TEDC1: variants seen among roughly 807,000 people sequenced by gnomAD.
TEDC1 encodes tubulin epsilon and delta complex protein 1.
In TEDC1, 54 loss-of-function variants were observed where a neutral mutation model predicts 59.9. The ratio of observed to expected loss-of-function variants is 0.90; its 90% CI spans 0.72 to 1.13. TEDC1 has a LOEUF of 1.13. Ranked by LOEUF, TEDC1 falls within the 50% of genes most tolerant of loss-of-function variation. The probability of loss-of-function intolerance (pLI) is 0.00; values close to 1 mark genes in which losing one functional copy is unlikely to be tolerated. For synonymous variants in TEDC1, 353 were observed against 298.1 expected (o/e 1.18, Z -1.90); for missense variants, 734 against 683.4 (o/e 1.07, Z -0.83).
At chr14:105,497,498 G>A in intron 7 of TEDC1, 55 bp downstream of exon 7, 3 of 1,523,744 alleles carry the variant, frequency 2.0e-6, no homozygotes, top group Non-Finnish European at 2.6e-6. Context: ...CAGCCCCCAG[G>A]TGGGGCATTC....
intron 5 of TEDC1, 23 bp downstream of exon 5, chr14:105,493,956 G>A (rs201083148): frequency 3.5e-4 from 311 of 899,488 alleles, no homozygotes; most frequent in African/African-American, 3.3e-3. Context: ...AAGCTGCTGC[G>A]GGGGGGTGGG....
At position 105,492,314 on chromosome 14, in the gene TEDC1, G is replaced by A. The variant is rs781900892; in HGVS notation, c.429+5G>A. 18 of 1,601,216 alleles carry A rather than the reference G, an allele frequency of 1.1e-5. No individual in the cohort carries two copies. The East Asian group carries it at 1.3e-4, about 12-fold the overall frequency. ...GACGAGATGACTGTGTGCCAGGTGC[G>A]TGTGGGTGAGGGTGAGCTGAGCCAG... On this transcript the variant is annotated splice_donor_5th_base_variant and intron_variant, in intron 3 of 8. Transcript: ENST00000392523.
In TEDC1 at chr14:105,492,690, C is replaced by T. The variant is rs1404622182; in HGVS notation, c.541C>T (p.Gln181Ter). Residue 181 changes from glutamine (Q) to a stop codon, truncating the protein, a stop_gained, in exon 4 of 9, where the codon CAG (glutamine) becomes TAG (stop). Transcript: ENST00000392523. LOFTEE classifies it high-confidence loss of function. ...GGGAAAGCTGCGGTTCCGGTGGCGC[C>T]AGCTGGTGTCCAGTCAGCAGGAGCA... ...LMGKLRFRWR[Q>*]LVSSQQEQCA... 2 of 1,544,516 alleles carry T rather than the reference C, an allele frequency of 1.3e-6. No homozygotes were observed. The highest frequency in any genetic ancestry group is 2.0e-5 in the Admixed American group (1 of 50,988).
chr14:105,498,958 C>T lies in TEDC1; in HGVS notation c.*12C>T, dbSNP rs782384645. The T allele has an allele frequency of 7.4e-5, 117 of 1,587,506 alleles. No homozygotes were observed. Among genetic ancestry groups the T allele is most frequent in the Middle Eastern group, 2.0e-4 (1 of 5,024 alleles). On this transcript the variant is annotated 3_prime_UTR_variant, in exon 9 of 9. Coordinates refer to ENST00000392523, the MANE Select transcript of TEDC1 (RefSeq NM_001367178.1). ...CACCTGGACGCTGAGGGCCTGTCGACGGGCCCTCGTGTGGGAAGCCTGCCC... is the reference window on the plus strand; with the variant it reads ...CACCTGGACGCTGAGGGCCTGTCGATGGGCCCTCGTGTGGGAAGCCTGCCC...
At chr14:105,490,551 G>C (rs1555439016), upstream of TEDC1, 1 of 152,194 alleles carries the variant, frequency 6.6e-6, no homozygotes, top group African/African-American at 2.4e-5. Flanking sequence ...CCATGCGCCG[G>C]CTTCCTCCGG....
intron 4 of TEDC1, 58 bp downstream of exon 4, chr14:105,492,792 C>T (rs2084246907): frequency 2.6e-6 from 4 of 1,514,722 alleles, no homozygotes; most frequent in Non-Finnish European, 3.5e-6. Context: ...AGGCCGCCAG[C>T]TGCCAGTCCC....
Position 105,498,969 on chromosome 14 carries a change from G to T in TEDC1, c.*23G>T. 7 of 1,577,628 alleles carry T rather than the reference G, an allele frequency of 4.4e-6. No homozygotes were observed. In the South Asian group the frequency reaches 7.0e-5, roughly 16 times the overall value. On this transcript the variant is annotated 3_prime_UTR_variant, in exon 9 of 9. Coordinates refer to ENST00000392523, the MANE Select transcript of TEDC1 (RefSeq NM_001367178.1). ...TGAGGGCCTGTCGACGGGCCCTCGTGTGGGAAGCCTGCCCTGGCCCAGCCT... is the reference window on the plus strand; with the variant it reads ...TGAGGGCCTGTCGACGGGCCCTCGTTTGGGAAGCCTGCCCTGGCCCAGCCT...
rs781818686 is a variant in TEDC1, at chr14:105,492,248, T to G, written c.368T>G (p.Val123Gly). 13 of 1,610,724 alleles carry G rather than the reference T, an allele frequency of 8.1e-6. 1 individual carries two copies. The East Asian group carries it at 2.5e-4, about 30-fold the overall frequency. Residue 123 changes from valine (V) to glycine (G), a missense_variant, in exon 3 of 9, where the codon GTG becomes GGG. Val to Gly is a moderately radical substitution (Grantham distance 109). Transcript: ENST00000392523. ...ALSWLLARGP[V>G]PEQMLAQARV... ...TCCTGGCTCTTGGCCCGAGGACCTG[T>G]GCCCGAGCAGATGCTGGCCCAGGCC... is the stretch of plus-strand genomic sequence containing the variant.
At chr14:105,492,410 C>A in intron 3 of TEDC1, 101 bp downstream of exon 3, 1 of 1,528,748 alleles carries the variant, frequency 6.5e-7, no homozygotes, top group South Asian at 1.2e-5. Flanking sequence ...CTTTGCTCCT[C>A]AGGGCAGTCC....
In TEDC1 at chr14:105,498,774, G is replaced by A. The variant is rs782688538; in HGVS notation, c.1316G>A (p.Gly439Glu). 6.4e-7 allele frequency: 1 copy of A among 1,570,616 alleles called. No individual in the cohort carries two copies. The highest frequency in any genetic ancestry group is 1.2e-5 in the South Asian group (1 of 85,814). Reference protein sequence around the residue: ...GPHRLVRREDGAAGDRDLRAA... With the variant: ...GPHRLVRREDEAAGDRDLRAA... ...CACCGGCTGGTGAGACGAGAGGATG[G>A]GGCAGCAGGGGACCGGGACCTGCGG... The change falls in exon 9 of 9, where the codon GGG (glycine) becomes GAG (glutamate). Residue 439 changes from glycine to glutamate, a missense_variant. By Grantham distance (98) the Gly-to-Glu change is moderately conservative. Transcript: ENST00000392523.
In TEDC1 at chr14:105,498,124, C is replaced by T. The variant is rs782679758; in HGVS notation, c.1158+147C>T. 3.3e-4 allele frequency: 335 copies of T among 1,025,238 alleles called. 1 individual carries two copies. In the Middle Eastern group the frequency reaches 7.9e-3, roughly 24 times the overall value. The allele number at this position is 1,025,238 out of a possible 1,614,324, so 63.5% of individuals were successfully genotyped here. A position where few individuals can be genotyped will look rare whatever the true frequency, so the allele number is the denominator to read the frequency against. On this transcript the variant is annotated intron_variant, in intron 8 of 8. Transcript: ENST00000392523. ...CTTAGAGGCACGTACCCTGAGGGAG[C>T]GGGAGGGCACCTGGTGAGGAGCCGC...
chr14:105,490,785 G>A, upstream of TEDC1: 1 of 553,766 alleles, frequency 1.8e-6, no homozygotes, highest in East Asian at 3.2e-5. Flanking sequence ...GCGCGATGGG[G>A]CGAGGCTCGT....
At chr14:105,496,149 TGGCGA>T in intron 6 of TEDC1, 63 bp downstream of exon 6, 6 of 81,278 alleles carry the variant, frequency 7.4e-5, no homozygotes, top group Middle Eastern at 3.5e-3. Flanking sequence ...TGGGAGGGGG[TGGCGA>T]GGGGGTGTGT....
intron 6 of TEDC1, 53 bp downstream of exon 6, chr14:105,496,139 T>TGGGGGTGTGGGGGGGGGGGGGGGGGGG: frequency 3.1e-5 from 1 of 32,264 alleles, no homozygotes; most frequent in Non-Finnish European, 5.1e-5. Context: ...TGGGGGTGGG[T>TGGGGGTGTGGGGGGGGGGGGGGGGGGG]GGGAGGGGGT....
In TEDC1 at chr14:105,499,167, G is replaced by T; in HGVS notation, c.*221G>T. On this transcript the variant is annotated 3_prime_UTR_variant, in exon 9 of 9. Transcript: ENST00000392523. ...GAATGGCTGGTCCCTTGAGGAGGTC[G>T]TGACAGGCTCAGCCTGGTGGTCTGG... 1 of 592,466 alleles carries T rather than the reference G, an allele frequency of 1.7e-6. No individual in the cohort carries two copies. The highest frequency in any genetic ancestry group is 3.0e-6 in the Non-Finnish European group (1 of 336,188). 36.7% of individuals were successfully genotyped at this position (592,466 alleles called of 1,614,324 possible).
chr14:105,492,802 C>A, intron 4 of TEDC1, 68 bp downstream of exon 4: 1 of 1,508,296 alleles, frequency 6.6e-7, no homozygotes, highest in Non-Finnish European at 8.9e-7. Flanking sequence ...CTGCCAGTCC[C>A]TGCAGCCCGT....
chr14:105,499,213 G>GT lies in TEDC1; in HGVS notation c.*268dup, dbSNP rs1186333440. The stretch of plus-strand genomic sequence containing the variant: ...TCTGGAGGGGACTCGGAAATAAATT[G>GT]TAGCAGCTTTCCTGCCGCTGGCCCT... On this transcript the variant is annotated 3_prime_UTR_variant, in exon 9 of 9. Coordinates refer to ENST00000392523, the MANE Select transcript of TEDC1 (RefSeq NM_001367178.1). 9.1e-6 allele frequency: 5 copies of GT among 552,286 alleles called. No homozygotes were observed. The Admixed American group carries it at 1.7e-4, about 19-fold the overall frequency. The allele number at this position is 552,286 out of a possible 1,614,324, so 34.2% of individuals were successfully genotyped here. A position where few individuals can be genotyped will look rare whatever the true frequency, so the allele number is the denominator to read the frequency against.
intron 4 of TEDC1, 84 bp downstream of exon 4, chr14:105,492,818 G>A: frequency 1.3e-6 from 2 of 1,483,284 alleles, no homozygotes; most frequent in Non-Finnish European, 1.8e-6. Context: ...CCCGTCCCGT[G>A]AGGCCTGGCA....
chr14:105,491,470 C>T lies in TEDC1; in HGVS notation c.95C>T (p.Ser32Leu), dbSNP rs1345703853. Reference protein sequence around the residue: ...AIAALSRSLPSGPSPEIFRRA... With the variant: ...AIAALSRSLPLGPSPEIFRRA... ...GCCGCGTTGAGTCGGTCGCTGCCCTCGGGACCCAGCCCCGAGATCTTCCGC... is the reference window on the plus strand; with the variant it reads ...GCCGCGTTGAGTCGGTCGCTGCCCTTGGGACCCAGCCCCGAGATCTTCCGC... The change falls in exon 1 of 9, where the codon TCG becomes TTG. Residue 32 changes from serine to leucine, a missense_variant. Physicochemically the swap from Ser to Leu is moderately radical, Grantham distance 145. Transcript: ENST00000392523. 63 of 1,476,514 alleles carry T rather than the reference C, an allele frequency of 4.3e-5. No homozygotes were observed. Among genetic ancestry groups the T allele is most frequent in the Non-Finnish European group, 5.2e-5 (58 of 1,115,414 alleles). 91.5% of individuals were successfully genotyped at this position (1,476,514 alleles called of 1,614,324 possible). A position where few individuals can be genotyped will look rare whatever the true frequency, so the allele number is the denominator to read the frequency against.
Sources: gnomAD v4.1 joint callset for allele counts on GRCh38, gnomAD v4.1.1 for gene constraint, MANE v1.5 for transcripts, NCBI Gene and HGNC (gene_info 2026-07-23, HGNC 2026-07-21) for gene names.